ANXA8: variants seen among roughly 807,000 people sequenced by gnomAD.
ANXA8 encodes the protein annexin A8, also known as VAC-beta.
A neutral mutation model predicts 26.8 loss-of-function variants in ANXA8; 9 were observed. The ratio of observed to expected loss-of-function variants is 0.34; its 90% CI spans 0.20 to 0.59. The LOEUF is 0.59. Among genes scored for constraint, ANXA8 ranks in the 20% least tolerant of loss-of-function variants. The probability of loss-of-function intolerance (pLI) is 0.84; values close to 1 mark genes in which losing one functional copy is unlikely to be tolerated. For synonymous variants in ANXA8, 39 were observed against 94.8 expected, an observed-to-expected ratio of 0.41 and a Z score of 3.42; for missense variants, 83 against 238.5, an observed-to-expected ratio of 0.35 and a Z score of 4.29.
the ANXA8 span, among the ~76,000 whole-genome samples, chr10:47,693,598 T>C: frequency 6.6e-6 from 1 of 151,898 alleles, no homozygotes; most frequent in Non-Finnish European, 1.5e-5. Flanking sequence ...CCGAGTACAA[T>C]CTTTTATAAA....
chr10:47,942,171 T>G, the ANXA8 span, among the ~76,000 whole-genome samples: 1 of 146,932 alleles, frequency 6.8e-6, no homozygotes, highest in Non-Finnish European at 1.5e-5. Context: ...GTACTTTTTA[T>G]ATTCCTTAAA....
the ANXA8 span, among the ~76,000 whole-genome samples, chr10:47,932,691 G>GCTCTCTCTCTATCTCTCTCTCT: frequency 1.1e-5 from 1 of 88,014 alleles, no homozygotes. Flanking sequence ...CAAAGAGCAT[G>GCTCTCTCTCTATCTCTCTCTCT]CTCTCTCTCT....
At chr10:47,907,574 CTGGCCAACA>C in the ANXA8 span, among the ~76,000 whole-genome samples, 1 of 128,870 alleles carries the variant, frequency 7.8e-6, no homozygotes, top group East Asian at 2.5e-4. Context: ...CGAGACCAGC[CTGGCCAACA>C]TGGTGAAACC....
chr10:47,743,708 C>T, the ANXA8 span, among the ~76,000 whole-genome samples: 2 of 149,554 alleles, frequency 1.3e-5, no homozygotes, highest in African/African-American at 2.5e-5. Flanking sequence ...GGCTGTCGCT[C>T]GGGTCCGGCT....
chr10:47,977,292 G>A, the ANXA8 span, among the ~76,000 whole-genome samples: 9,413 of 144,802 alleles, frequency 0.065, 3 homozygotes, highest in African/African-American at 0.23. Flanking sequence ...CAGCAGCATC[G>A]GCAACAACAA....
the ANXA8 span, among the ~76,000 whole-genome samples, chr10:47,517,268 CTTTTTTTTTTT>C: frequency 1.2e-5 from 1 of 86,932 alleles, no homozygotes; most frequent in Non-Finnish European, 2.2e-5. Context: ...ATTTAAGGCA[CTTTTTTTTTTT>C]TTTTTTTTTT....
At chr10:47,563,806 T>C in the ANXA8 span, 1 of 677,388 alleles carries the variant, frequency 1.5e-6, no homozygotes, top group Non-Finnish European at 2.7e-6. Flanking sequence ...TAAGTTGTAC[T>C]CTTTAAGACC....
the ANXA8 span, among the ~76,000 whole-genome samples, chr10:47,617,486 A>G: frequency 1.4e-5 from 2 of 146,718 alleles, no homozygotes; most frequent in South Asian, 4.4e-4. Context: ...AACTCTATCT[A>G]TAGGCAACTG....
the ANXA8 span, chr10:47,491,709 G>A: frequency 1.3e-6 from 2 of 1,543,470 alleles, no homozygotes; most frequent in Non-Finnish European, 1.8e-6. Flanking sequence ...CTAGGATGCT[G>A]AGGACTGGCC....
chr10:47,986,643 A>G, the ANXA8 span: 1 of 366,536 alleles, frequency 2.7e-6, no homozygotes, highest in Non-Finnish European at 5.4e-6. Context: ...TCAGCTGTTG[A>G]GAACACACAG....
the ANXA8 span, among the ~76,000 whole-genome samples, chr10:47,747,140 C>T: frequency 4.0e-5 from 6 of 150,092 alleles, no homozygotes; most frequent in Admixed American, 2.0e-4. Flanking sequence ...CTTCAGGAAA[C>T]GTGCTGATTT....
chr10:47,955,353 G>T, the ANXA8 span, among the ~76,000 whole-genome samples: 2 of 150,020 alleles, frequency 1.3e-5, no homozygotes, highest in Non-Finnish European at 3.0e-5. Flanking sequence ...ACACAACGAT[G>T]CTCAATGACA....
the ANXA8 span, chr10:47,496,138 A>T: frequency 6.6e-6 from 1 of 151,572 alleles, no homozygotes; most frequent in East Asian, 2.0e-4. Flanking sequence ...TCTGTGCAGG[A>T]AGGGCAGGCT....
At chr10:47,956,792 GC>G in the ANXA8 span, among the ~76,000 whole-genome samples, 22 of 149,906 alleles carry the variant, frequency 1.5e-4, no homozygotes, top group African/African-American at 4.2e-4. Flanking sequence ...ACAGCCCAGG[GC>G]CTGACACCAC....
At chr10:47,715,481 C>T in the ANXA8 span, among the ~76,000 whole-genome samples, 3 of 145,658 alleles carry the variant, frequency 2.1e-5, no homozygotes, top group African/African-American at 7.6e-5. Context: ...CTCTAGCATG[C>T]TTCTGTTGTC....
the ANXA8 span, among the ~76,000 whole-genome samples, chr10:47,536,814 A>G: frequency 1.6e-5 from 2 of 125,896 alleles, 1 homozygote; most frequent in Non-Finnish European, 3.1e-5. Context: ...AAACACAACA[A>G]ATATTTGATT....
At chr10:47,982,830 AT>A in the ANXA8 span, among the ~76,000 whole-genome samples, 1 of 73,384 alleles carries the variant, frequency 1.4e-5, no homozygotes, top group African/African-American at 4.9e-5. Flanking sequence ...ATATATATAT[AT>A]ATAAAATTTG....
the ANXA8 span, among the ~76,000 whole-genome samples, chr10:47,896,830 A>C: frequency 6.6e-5 from 10 of 152,106 alleles, no homozygotes; most frequent in Non-Finnish European, 1.5e-4. Context: ...TATTCAAACA[A>C]GACATAAACA....
the ANXA8 span, among the ~76,000 whole-genome samples, chr10:47,914,998 C>T: frequency 2.0e-5 from 3 of 152,404 alleles, no homozygotes; most frequent in Admixed American, 6.5e-5. Flanking sequence ...GTTATAAGTA[C>T]TGGAAAATAA....
Sources: allele counts gnomAD v4.1 joint callset (sites outside exome capture counted in the v4.1 genomes callset), GRCh38; gene constraint gnomAD v4.1.1; transcripts MANE v1.5; gene names NCBI Gene and HGNC (gene_info 2026-07-23, HGNC 2026-07-21).